PHACTR1: variants seen among roughly 807,000 people sequenced by gnomAD.
PHACTR1 encodes RPEL repeat containing 1.
In PHACTR1, 16 loss-of-function variants were observed where a neutral mutation model predicts 69.2. That is an observed-to-expected ratio of 0.23 (90% CI 0.16 to 0.35). The LOEUF is 0.35. Among genes scored for constraint, PHACTR1 ranks in the 10% least tolerant of loss-of-function variants. PHACTR1 has a pLI of 1.00. For missense variants in PHACTR1, 510 were observed against 734.7 expected (o/e 0.69, Z 3.54); for synonymous variants, 312 against 284.5 (o/e 1.10, Z -0.97).
chr6:13,134,207 G>A (rs1015460359), intron 5 of PHACTR1, among the ~76,000 whole-genome samples: 3 of 150,848 alleles, frequency 2.0e-5, no homozygotes, highest in Admixed American at 6.6e-5. Context: ...GAGGGAGGTA[G>A]GGGGCAGCCC....
chr6:12,721,151 C>T (rs1386670977), intron 3 of PHACTR1, among the ~76,000 whole-genome samples: 1 of 152,108 alleles, frequency 6.6e-6, no homozygotes, highest in Non-Finnish European at 1.5e-5. Flanking sequence ...TTTGGGAAGC[C>T]GAGGCGGGTG....
intron 3 of PHACTR1, among the ~76,000 whole-genome samples, chr6:12,729,200 CA>C (rs1409423280): frequency 6.6e-6 from 1 of 152,084 alleles, no homozygotes; most frequent in Non-Finnish European, 1.5e-5. Context: ...CCTTAAAACA[CA>C]AGAACAAGAA....
intron 4 of PHACTR1, among the ~76,000 whole-genome samples, chr6:12,977,694 G>C (rs1328990658): frequency 6.6e-6 from 1 of 152,196 alleles, no homozygotes; most frequent in Non-Finnish European, 1.5e-5. Flanking sequence ...TGTTTTCATG[G>C]AAAGTCTTTC....
At chr6:13,024,430 G>C (rs1801408850) in intron 4 of PHACTR1, among the ~76,000 whole-genome samples, 1 of 152,316 alleles carries the variant, frequency 6.6e-6, no homozygotes, top group South Asian at 2.1e-4. Flanking sequence ...CATGATGAGA[G>C]GATGTGTAGA....
intron 10 of PHACTR1, among the ~76,000 whole-genome samples, chr6:13,259,622 C>A (rs1775639570): frequency 6.6e-6 from 1 of 152,192 alleles, no homozygotes; most frequent in Non-Finnish European, 1.5e-5. Flanking sequence ...ATCCTCCTGA[C>A]AGTCCTACAC....
intron 9 of PHACTR1, among the ~76,000 whole-genome samples, chr6:13,229,323 G>A (rs1770386404): frequency 6.6e-6 from 1 of 152,040 alleles, no homozygotes. Context: ...AAATGCCTTG[G>A]GATTTTGCCA....
chr6:13,128,507 G>A (rs1285545543), intron 5 of PHACTR1, among the ~76,000 whole-genome samples: 1 of 151,744 alleles, frequency 6.6e-6, no homozygotes. Context: ...TATACAAAAT[G>A]CAGTGGAAAG....
chr6:13,177,234 C>T, intron 6 of PHACTR1, among the ~76,000 whole-genome samples: 1 of 145,836 alleles, frequency 6.9e-6, no homozygotes, highest in Non-Finnish European at 1.5e-5. Context: ...CCTGTAGTCC[C>T]AGCTACTTGG....
intron 10 of PHACTR1, among the ~76,000 whole-genome samples, chr6:13,239,389 T>C (rs1378026764): frequency 6.6e-6 from 1 of 152,200 alleles, no homozygotes; most frequent in East Asian, 1.9e-4. Context: ...CTGCACGCAA[T>C]AGAAAATCCT....
rs146980741 is a variant in PHACTR1, at chr6:12,774,284, G to A, written c.250+24494G>A. 3.9e-3 allele frequency among the ~76,000 whole-genome samples: 596 copies of A among 152,202 alleles called. 2 individuals are homozygous for A. Among genetic ancestry groups the A allele is most frequent in the Non-Finnish European group, 6.9e-3 (472 of 68,012 alleles). On this transcript the variant is annotated intron_variant, in intron 4 of 14. Transcript: ENST00000332995. ...GCTCTCAGATCTTGTCTTCTCAACAGCACGGTAAACTCCTTGAAACCTAGA... is the reference window on the plus strand; with the variant it reads ...GCTCTCAGATCTTGTCTTCTCAACAACACGGTAAACTCCTTGAAACCTAGA...
chr6:13,176,942 A>T (rs1358917586), intron 6 of PHACTR1, among the ~76,000 whole-genome samples: 1 of 152,046 alleles, frequency 6.6e-6, no homozygotes, highest in Non-Finnish European at 1.5e-5. Flanking sequence ...TACATTTATT[A>T]ATGTACTTTT....
chr6:12,750,025 G>C (rs1360808693), intron 4 of PHACTR1, among the ~76,000 whole-genome samples: 10 of 152,306 alleles, frequency 6.6e-5, no homozygotes, highest in Non-Finnish European at 1.5e-5. Flanking sequence ...TCCCCGGCAC[G>C]GGGAGGAGGA....
intron 5 of PHACTR1, among the ~76,000 whole-genome samples, chr6:13,133,976 G>A (rs1407374403): frequency 6.6e-6 from 1 of 151,420 alleles, no homozygotes. Context: ...GAGCGCCTCT[G>A]CCCGGCCGCG....
chr6:12,845,887 T>G lies in PHACTR1; in HGVS notation c.250+96097T>G, dbSNP rs567550295. 5.9e-5 allele frequency among the ~76,000 whole-genome samples: 9 copies of G among 152,344 alleles called. No individual in the cohort carries two copies. In the South Asian group the frequency reaches 1.9e-3, roughly 32 times the overall value. On this transcript the variant is annotated intron_variant, in intron 4 of 14. Transcript: ENST00000332995. ...CCCTTATTGTCCTTAACATTTCATC[T>G]GACAAAGTAAGCAATTTCATTGTGT...
At chr6:13,052,177 G>A (rs1806060225) in intron 4 of PHACTR1, among the ~76,000 whole-genome samples, 1 of 152,182 alleles carries the variant, frequency 6.6e-6, no homozygotes, top group African/African-American at 2.4e-5. Context: ...CAGTCCTGCT[G>A]TGGGGAGCTC....
In PHACTR1 at chr6:12,873,442, G is replaced by A. The variant is rs188010369; in HGVS notation, c.250+123652G>A. Among the ~76,000 whole-genome samples, 17 of 152,186 alleles carry A rather than the reference G, an allele frequency of 1.1e-4. No homozygotes were observed. The East Asian group carries it at 3.1e-3, about 28-fold the overall frequency. ...CAAACATAAATAAAACTCAATGCCTGCTCTCAAGGACATTATAGTGGGAGA... is the reference window on the plus strand; with the variant it reads ...CAAACATAAATAAAACTCAATGCCTACTCTCAAGGACATTATAGTGGGAGA... On this transcript the variant is annotated intron_variant, in intron 4 of 14. Coordinates refer to ENST00000332995, the MANE Select transcript of PHACTR1 (RefSeq NM_030948.6).
At chr6:13,164,177 T>A (rs1245715295) in intron 6 of PHACTR1, among the ~76,000 whole-genome samples, 1 of 152,144 alleles carries the variant, frequency 6.6e-6, no homozygotes, top group African/African-American at 2.4e-5. Context: ...AAGCAAGTCA[T>A]TTTCCTGTCA....
intron 4 of PHACTR1, among the ~76,000 whole-genome samples, chr6:12,968,105 G>T (rs1793717128): frequency 6.6e-6 from 1 of 152,134 alleles, no homozygotes; most frequent in African/African-American, 2.4e-5. Flanking sequence ...TCAGGGAAAA[G>T]AACCCAAGGG....
intron 4 of PHACTR1, among the ~76,000 whole-genome samples, chr6:12,784,090 T>C (rs1381681899): frequency 6.6e-6 from 1 of 151,966 alleles, no homozygotes; most frequent in Non-Finnish European, 1.5e-5. Context: ...CATACACATA[T>C]ATCTCTACAC....
Sources: allele counts gnomAD v4.1 joint callset (sites outside exome capture counted in the v4.1 genomes callset), GRCh38; gene constraint gnomAD v4.1.1; transcripts MANE v1.5; gene names NCBI Gene and HGNC (gene_info 2026-07-23, HGNC 2026-07-21).